ST6GAL1: variants seen among roughly 807,000 people sequenced by gnomAD.
ST6GAL1 encodes the protein beta-galactoside alpha-2,6-sialyltransferase 1.
In ST6GAL1, 20 loss-of-function variants were observed where a neutral mutation model predicts 38.0. The observed-to-expected ratio is 0.53, with a 90% CI of 0.37 to 0.77. ST6GAL1 has a LOEUF of 0.77. Among genes scored for constraint, ST6GAL1 ranks in the 30% least tolerant of loss-of-function variants. The probability of loss-of-function intolerance (pLI) is 0.00; values close to 1 mark genes in which losing one functional copy is unlikely to be tolerated. For missense variants in ST6GAL1, 432 were observed against 496.4 expected, an observed-to-expected ratio of 0.87 and a Z score of 1.23; for synonymous variants, 196 against 188.2, an observed-to-expected ratio of 1.04 and a Z score of -0.34.
intron 2 of ST6GAL1, among the ~76,000 whole-genome samples, chr3:186,971,563 C>T (rs1196106196): frequency 6.6e-6 from 1 of 152,220 alleles, no homozygotes; most frequent in Admixed American, 6.5e-5. Context: ...AGATTTGGTG[C>T]TGACAAACCC....
At chr3:186,955,499 C>CTTTTTT (rs370729803) in intron 1 of ST6GAL1, among the ~76,000 whole-genome samples, 1 of 149,094 alleles carries the variant, frequency 6.7e-6, no homozygotes. Context: ...TGTGTCTTCT[C>CTTTTTT]TTTTTTTTTT....
intron 1 of ST6GAL1, among the ~76,000 whole-genome samples, chr3:186,942,944 C>A (rs2108516338): frequency 6.6e-6 from 1 of 152,292 alleles, no homozygotes; most frequent in East Asian, 1.9e-4. Flanking sequence ...CTCAGGTGAT[C>A]CACCGACCTC....
At chr3:186,996,280 T>C (rs1716402075) in intron 2 of ST6GAL1, among the ~76,000 whole-genome samples, 1 of 152,138 alleles carries the variant, frequency 6.6e-6, no homozygotes, top group African/African-American at 2.4e-5. Flanking sequence ...ACAGTAAGAG[T>C]TTGCAGCTTA....
At chr3:187,001,482 GATCTCACTTCCATTGC>G (rs1364354597) in intron 2 of ST6GAL1, among the ~76,000 whole-genome samples, 1 of 152,198 alleles carries the variant, frequency 6.6e-6, no homozygotes, top group Non-Finnish European at 1.5e-5. Context: ...CCTGGGTTTG[GATCTCACTTCCATTGC>G]TTTCTGGAGG....
At chr3:187,007,187 G>T (rs922532982) in intron 2 of ST6GAL1, among the ~76,000 whole-genome samples, 2 of 152,178 alleles carry the variant, frequency 1.3e-5, no homozygotes, top group Non-Finnish European at 2.9e-5. Flanking sequence ...CTAAGAGTCC[G>T]AGATAACTCC....
intron 2 of ST6GAL1, among the ~76,000 whole-genome samples, chr3:187,025,013 G>GTGTGTGTGTCTGTGTGTC (rs1441343688): frequency 0.051 from 7,746 of 151,156 alleles, 218 homozygotes; most frequent in Middle Eastern, 0.12. Flanking sequence ...GTGTGTGTGT[G>GTGTGTGTGTCTGTGTGTC]TGTGTGTCTG....
chr3:186,933,980 G>A (rs1216458865), intron 1 of ST6GAL1, among the ~76,000 whole-genome samples: 2 of 152,172 alleles, frequency 1.3e-5, no homozygotes, highest in Non-Finnish European at 2.9e-5. Context: ...CTTGTGCTGG[G>A]TTCCTCCATG....
intron 2 of ST6GAL1, among the ~76,000 whole-genome samples, chr3:186,994,644 A>ATATT (rs202011687): frequency 1.1e-3 from 168 of 151,864 alleles, no homozygotes; most frequent in East Asian, 5.8e-3. Flanking sequence ...TTCAGTATGT[A>ATATT]TATTTAAAAG....
chr3:186,985,589 C>A (rs891375727), intron 2 of ST6GAL1, among the ~76,000 whole-genome samples: 4 of 147,512 alleles, frequency 2.7e-5, no homozygotes, highest in Non-Finnish European at 5.9e-5. Context: ...CATGGCGAAA[C>A]CCCGTCTCTT....
intron 1 of ST6GAL1, among the ~76,000 whole-genome samples, chr3:186,932,985 C>T (rs531098006): frequency 2.0e-5 from 3 of 152,278 alleles, no homozygotes; most frequent in Admixed American, 6.5e-5. Context: ...AGCTGGATGC[C>T]TAGGCAGATA....
At chr3:187,046,205 T>G (rs73053205) in intron 4 of ST6GAL1, among the ~76,000 whole-genome samples, 2,126 of 152,288 alleles carry the variant, frequency 0.014, 42 homozygotes, top group African/African-American at 0.048. Context: ...CTGAGAGGGC[T>G]CATGAAGTAA....
chr3:186,993,476 G>A (rs1204344598), intron 2 of ST6GAL1, among the ~76,000 whole-genome samples: 1 of 152,198 alleles, frequency 6.6e-6, no homozygotes, highest in Non-Finnish European at 1.5e-5. Context: ...ACTAAACAGA[G>A]GTGCAGATTT....
intron 1 of ST6GAL1, among the ~76,000 whole-genome samples, chr3:186,956,268 T>G (rs1287656020): frequency 6.6e-6 from 1 of 152,150 alleles, no homozygotes; most frequent in Non-Finnish European, 1.5e-5. Flanking sequence ...GTCCAAAAAT[T>G]TGTGAAAGTC....
At chr3:187,002,598 A>G (rs1406061029) in intron 2 of ST6GAL1, among the ~76,000 whole-genome samples, 1 of 152,206 alleles carries the variant, frequency 6.6e-6, no homozygotes, top group Admixed American at 6.5e-5. Flanking sequence ...CTCTCTGCCA[A>G]CATCTCATCA....
chr3:186,933,839 C>T (rs1560132917), intron 1 of ST6GAL1, among the ~76,000 whole-genome samples: 4 of 152,212 alleles, frequency 2.6e-5, no homozygotes, highest in African/African-American at 9.6e-5. Flanking sequence ...GTCAGAGAAC[C>T]AATTCCTTAT....
chr3:187,027,041 T>C (rs533878281), intron 2 of ST6GAL1, among the ~76,000 whole-genome samples: 2 of 151,442 alleles, frequency 1.3e-5, no homozygotes, highest in Non-Finnish European at 2.9e-5. Flanking sequence ...AGAGGGAGAC[T>C]CTGTCTCCAA....
chr3:186,991,748 C>G (rs1027188211), intron 2 of ST6GAL1, among the ~76,000 whole-genome samples: 1 of 152,136 alleles, frequency 6.6e-6, no homozygotes, highest in African/African-American at 2.4e-5. Context: ...ACCTTGTCTC[C>G]TTTGCTGTCA....
At chr3:186,959,723 C>A (rs1714871199) in intron 1 of ST6GAL1, among the ~76,000 whole-genome samples, 1 of 152,132 alleles carries the variant, frequency 6.6e-6, no homozygotes, top group Non-Finnish European at 1.5e-5. Flanking sequence ...GGTGCAGTGT[C>A]TTCTGATTTG....
At chr3:187,025,951 A>G (rs1717520100) in intron 2 of ST6GAL1, among the ~76,000 whole-genome samples, 1 of 152,342 alleles carries the variant, frequency 6.6e-6, no homozygotes, top group East Asian at 1.9e-4. Context: ...ATCTCTGGTA[A>G]GAGACCCTTG....
Sources: allele counts gnomAD v4.1 joint callset (sites outside exome capture counted in the v4.1 genomes callset), GRCh38; gene constraint gnomAD v4.1.1; transcripts MANE v1.5; gene names NCBI Gene and HGNC (gene_info 2026-07-23, HGNC 2026-07-21).